COG6: variants seen among roughly 807,000 people sequenced by gnomAD.
COG6 encodes component of oligomeric golgi complex 6.
In COG6, 74 loss-of-function variants were observed where a neutral mutation model predicts 88.8. That is an observed-to-expected ratio of 0.83 (90% CI 0.69 to 1.01). The LOEUF is 1.01. Ranked by LOEUF, COG6 falls within the 50% of genes least tolerant of loss-of-function variation. The pLI is 0.00. For synonymous variants in COG6, 286 were observed against 278.7 expected (o/e 1.03, Z -0.26); for missense variants, 800 against 797.9 (o/e 1.00, Z -0.03).
In COG6 at chr13:39,680,032, C is replaced by T; in HGVS notation, c.681C>T (p.Tyr227=). ...LLQETAYERL[Y]RWAQSECRTL... Reference sequence around the variant, plus strand: ...AAGAAACGGCTTATGAAAGACTTTACCGATGGGCTCAAAGTAAGTGATTTC... The same window carrying T: ...AAGAAACGGCTTATGAAAGACTTTATCGATGGGCTCAAAGTAAGTGATTTC... Residue 227 remains tyrosine (Y), a synonymous_variant, in exon 7 of 19, where the codon TAC becomes TAT. Coordinates refer to ENST00000455146, the MANE Select transcript of COG6 (RefSeq NM_020751.3). 6.3e-7 allele frequency: 1 copy of T among 1,580,468 alleles called. No homozygotes were observed. The highest frequency in any genetic ancestry group is 8.7e-7 in the Non-Finnish European group (1 of 1,151,244).
At chr13:39,725,468 A>T (rs1879083346) in intron 17 of COG6, among the ~76,000 whole-genome samples, 1 of 151,912 alleles carries the variant, frequency 6.6e-6, no homozygotes, top group Non-Finnish European at 1.5e-5. Flanking sequence ...TTTTCCAACA[A>T]TTTTTGATGC....
At chr13:39,698,082 A>G (rs954598310) in intron 12 of COG6, among the ~76,000 whole-genome samples, 9 of 151,996 alleles carry the variant, frequency 5.9e-5, no homozygotes, top group African/African-American at 2.2e-4. Flanking sequence ...AACATCTACA[A>G]TTATCTGTAC....
intron 18 of COG6, among the ~76,000 whole-genome samples, chr13:39,745,895 A>G (rs1022041616): frequency 1.3e-5 from 2 of 152,192 alleles, no homozygotes; most frequent in African/African-American, 4.8e-5. Flanking sequence ...ATAGAATACT[A>G]TGCAGCCATA....
At chr13:39,711,508 TTCTAAGAACAGTGGGACCTTTGGAAGG>T (rs67616458) in intron 13 of COG6, among the ~76,000 whole-genome samples, 98,823 of 151,968 alleles carry the variant, frequency 0.65, 32,517 homozygotes, top group Admixed American at 0.77. Flanking sequence ...GCTCTGCCCC[TTCTAAGAACAGTGGGACCTTTGGAAGG>T]TTATTTAATC....
chr13:39,711,636 A>AATTAAG (rs1159771607), intron 13 of COG6, among the ~76,000 whole-genome samples: 1 of 152,168 alleles, frequency 6.6e-6, no homozygotes, highest in African/African-American at 2.4e-5. Flanking sequence ...GTAAAATGGG[A>AATTAAG]ATGATATATA....
intron 18 of COG6, among the ~76,000 whole-genome samples, chr13:39,781,524 A>G (rs1426730654): frequency 2.0e-5 from 3 of 151,540 alleles, no homozygotes; most frequent in Non-Finnish European, 2.9e-5. Flanking sequence ...TGATCGCTGA[A>G]TAACCTTCTT....
chr13:39,665,216 A>T, intron 4 of COG6, 62 bp downstream of exon 4: 2 of 847,168 alleles, frequency 2.4e-6, no homozygotes, highest in Non-Finnish European at 4.1e-6. Flanking sequence ...AAAGAAAATT[A>T]TATATAACTC....
At chr13:39,788,292 A>T in intron 18 of COG6, 1 of 1,549,840 alleles carries the variant, frequency 6.5e-7, no homozygotes, top group Non-Finnish European at 8.7e-7. Context: ...AGGAAACTGC[A>T]CCATCAGCAA....
In COG6 at chr13:39,695,581, A is replaced by G. The variant is rs932603749; in HGVS notation, c.1166+856A>G. On this transcript the variant is annotated intron_variant, in intron 12 of 18. Coordinates refer to ENST00000455146, the MANE Select transcript of COG6 (RefSeq NM_020751.3). ...AGGATGTAACTAACATTACCAGGAAAGGTTCAGGGAGCACTAGTTTACAGA... is the reference window on the plus strand; with the variant it reads ...AGGATGTAACTAACATTACCAGGAAGGGTTCAGGGAGCACTAGTTTACAGA... Among the ~76,000 whole-genome samples the G allele has an allele frequency of 1.9e-4, 29 of 152,008 alleles. 1 individual carries two copies. Among genetic ancestry groups the G allele is most frequent in the African/African-American group, 7.0e-4 (29 of 41,516 alleles).
chr13:39,693,671 T>C (rs1247653534), intron 11 of COG6, among the ~76,000 whole-genome samples: 6 of 151,916 alleles, frequency 3.9e-5, no homozygotes, highest in Non-Finnish European at 7.4e-5. Flanking sequence ...CATAAACATA[T>C]TAATGTAAAG....
rs1008698921 is a variant in COG6 at position 39,687,508 on chromosome 13, C to T, written c.794C>T (p.Thr265Ile). The stretch of plus-strand genomic sequence containing the variant: ...ATATAACTTGTTTCTTCTAGATATA[C>T]CTTAGATGAATTTGGAACAGCCAGA... ...LQDRPVLYKY[T>I]LDEFGTARRS... is the part of the protein sequence containing the mutation. The change falls in exon 9 of 19, where the codon ACC (threonine) becomes ATC (isoleucine). Residue 265 changes from threonine to isoleucine, a missense_variant. By Grantham distance (89) the Thr-to-Ile change is moderately conservative. Coordinates refer to ENST00000455146, the MANE Select transcript of COG6 (RefSeq NM_020751.3). 6.2e-7 allele frequency: 1 copy of T among 1,612,230 alleles called. No individual in the cohort carries two copies. Among genetic ancestry groups the T allele is most frequent in the African/African-American group, 1.3e-5 (1 of 74,732 alleles).
At chr13:39,704,312 A>C (rs989318011) in intron 13 of COG6, among the ~76,000 whole-genome samples, 2 of 152,192 alleles carry the variant, frequency 1.3e-5, no homozygotes, top group Non-Finnish European at 2.9e-5. Flanking sequence ...TTCGACTCTC[A>C]AAATCTAACT....
At chr13:39,730,668 G>A (rs1879384216) in intron 18 of COG6, among the ~76,000 whole-genome samples, 1 of 147,270 alleles carries the variant, frequency 6.8e-6, no homozygotes, top group African/African-American at 2.5e-5. Flanking sequence ...CAGCTACTTA[G>A]GAGGCTGAGG....
intron 4 of COG6, among the ~76,000 whole-genome samples, chr13:39,670,303 T>C (rs959851089): frequency 3.9e-5 from 6 of 152,216 alleles, no homozygotes; most frequent in East Asian, 3.9e-4. Flanking sequence ...AAAATCACTA[T>C]TATATTTTTA....
chr13:39,735,971 G>A (rs912042210), intron 18 of COG6, among the ~76,000 whole-genome samples: 2 of 151,894 alleles, frequency 1.3e-5, no homozygotes, highest in South Asian at 4.2e-4. Flanking sequence ...ATTATTAAAG[G>A]TCTTGAGGTA....
rs1203671335 is a variant in COG6 at position 39,684,243 on chromosome 13, A to ATTTTTTTTTTTTTTTTT, written c.788+1988_788+2004dup. On this transcript the variant is annotated intron_variant, in intron 8 of 18. Transcript: ENST00000455146. ...GGGGGCAGTAATGGCAATTTGGAAGATTTTTTTTTTTTTTTTTTTTTTTTT... is the reference window on the plus strand; with the variant it reads ...GGGGGCAGTAATGGCAATTTGGAAGATTTTTTTTTTTTTTTTTTTTTTTTTTTTTTTTTTTTTTTTTT... Among the ~76,000 whole-genome samples the ATTTTTTTTTTTTTTTTT allele has an allele frequency of 1.7e-3, 117 of 67,384 alleles. 20 individuals carry two copies. Among genetic ancestry groups the ATTTTTTTTTTTTTTTTT allele is most frequent in the Non-Finnish European group, 2.3e-3 (89 of 39,240 alleles). 44.2% of individuals were successfully genotyped at this position (67,384 alleles called of 152,430 possible). A position where few individuals can be genotyped will look rare whatever the true frequency, so the allele number is the denominator to read the frequency against.
intron 18 of COG6, among the ~76,000 whole-genome samples, chr13:39,735,894 T>C (rs1310712191): frequency 2.0e-5 from 3 of 152,104 alleles, no homozygotes; most frequent in African/African-American, 4.8e-5. Flanking sequence ...TTATTGGAGC[T>C]CCTTTGTAGG....
chr13:39,698,837 G>A lies in COG6; in HGVS notation c.1167-664G>A, dbSNP rs1300547645. On this transcript the variant is annotated intron_variant, in intron 12 of 18. Transcript: ENST00000455146. ...AATTAGGAGGAAAAAAATGGGAATT[G>A]TTTTATATACATACTTGTCTTAGAT... Among the ~76,000 whole-genome samples the A allele has an allele frequency of 2.0e-5, 3 of 151,740 alleles. No individual in the cohort carries two copies. The East Asian group carries it at 5.8e-4, about 29-fold the overall frequency.
downstream of COG6, among the ~76,000 whole-genome samples, chr13:39,757,443 A>G (rs1318998365): frequency 6.6e-6 from 1 of 152,062 alleles, no homozygotes; most frequent in Non-Finnish European, 1.5e-5. Context: ...AGAAAAAAGG[A>G]AATAATAAAG....
Sources: allele counts gnomAD v4.1 joint callset (sites outside exome capture counted in the v4.1 genomes callset), GRCh38; gene constraint gnomAD v4.1.1; transcripts MANE v1.5; gene names NCBI Gene and HGNC (gene_info 2026-07-23, HGNC 2026-07-21).